The following BPIFC variants were observed in gnomAD, a reference collection of about 807,000 sequenced individuals.
The protein encoded by BPIFC is BPI fold-containing family C protein.
BPIFC carries 60 observed loss-of-function variants against 57.6 expected under a neutral mutation model. That is an observed-to-expected ratio of 1.04 (90% CI 0.85 to 1.29). BPIFC has a LOEUF of 1.29. BPIFC is among the 50% of genes most tolerant of loss of function. BPIFC has a pLI of 0.00. For synonymous variants in BPIFC, 243 were observed against 224.5 expected (o/e 1.08, Z -0.74); for missense variants, 581 against 600.5 (o/e 0.97, Z 0.34).
chr22:32,461,911 C>T (rs993177485), intron 1 of BPIFC, among the ~76,000 whole-genome samples: 23 of 152,152 alleles, frequency 1.5e-4, no homozygotes, highest in African/African-American at 3.9e-4. Context: ...TGGTGGCTCA[C>T]GCCTATAATC....
Position 32,458,510 on chromosome 22 carries a change from T to G in BPIFC, c.1-1124A>C, listed in dbSNP as rs184608589. Reference sequence around the variant, plus strand: ...ATCTAGTGTAGTATCCAGTTACTGATGTGTGTATTGTCTATCTCCTCTGCT... The same window carrying G: ...ATCTAGTGTAGTATCCAGTTACTGAGGTGTGTATTGTCTATCTCCTCTGCT... On this transcript the variant is annotated intron_variant, in intron 2 of 16. Transcript: ENST00000300399. 1.2e-3 allele frequency among the ~76,000 whole-genome samples: 179 copies of G among 152,338 alleles called. 1 individual carries two copies. The highest frequency in any genetic ancestry group is 1.8e-3 in the Admixed American group (27 of 15,302).
In BPIFC at chr22:32,413,938, C is replaced by T. The variant is rs564196847; in HGVS notation, c.*365G>A. 3 of 157,598 alleles carry T rather than the reference C, an allele frequency of 1.9e-5. No homozygotes were observed. The highest frequency in any genetic ancestry group is 7.2e-5 in the African/African-American group (3 of 41,660). 9.8% of individuals were successfully genotyped at this position (157,598 alleles called of 1,614,324 possible). On this transcript the variant is annotated 3_prime_UTR_variant, in exon 17 of 17. Coordinates refer to ENST00000300399, the MANE Select transcript of BPIFC (RefSeq NM_174932.3). Reference sequence around the variant, plus strand: ...CCAATATGCAGGTAGGGGAAAACCACTAGAGGGCCTAAGGGATTTCCACTG... The same window carrying T: ...CCAATATGCAGGTAGGGGAAAACCATTAGAGGGCCTAAGGGATTTCCACTG...
chr22:32,447,381 C>T, intron 4 of BPIFC, 41 bp from the exon 5 acceptor site: 1 of 1,590,242 alleles, frequency 6.3e-7, no homozygotes, highest in Non-Finnish European at 8.6e-7. Flanking sequence ...ACTCTTCCAG[C>T]ACATCTCTTC....
At chr22:32,436,331 G>T (rs1480812774) in intron 9 of BPIFC, among the ~76,000 whole-genome samples, 1 of 142,478 alleles carries the variant, frequency 7.0e-6, no homozygotes, top group Non-Finnish European at 1.5e-5. Context: ...AGAAGAAGAA[G>T]AAGAAAGAAG....
intron 12 of BPIFC, 28 bp from the exon 13 acceptor site, chr22:32,431,442 A>ATTTATTTATTTTTTATTTTTTTTTTTTTG: frequency 1.6e-6 from 2 of 1,217,748 alleles, no homozygotes; most frequent in Non-Finnish European, 2.4e-6. Flanking sequence ...ATTTATTATT[A>ATTTATTTATTTTTTATTTTTTTTTTTTTG]AGACGAGTGA....
Position 32,457,317 on chromosome 22 carries a change from G to A in BPIFC, c.70C>T (p.Gln24Ter). 2 of 1,610,638 alleles carry A rather than the reference G, an allele frequency of 1.2e-6. No individual in the cohort carries two copies. The highest frequency in any genetic ancestry group is 1.7e-6 in the Non-Finnish European group (2 of 1,179,112). ...GCCTTGATTCCAGGGTAAATGGTCT[G>A]AGAGGATGAGACATAGAGATTCCAC... ...LLWNLYVSSS[Q>*]TIYPGIKARI... The change falls in exon 3 of 17, where the codon CAG becomes TAG. Residue 24 changes from glutamine (Q) to a stop codon, truncating the protein, a stop_gained. Transcript: ENST00000300399. LOFTEE classifies it high-confidence loss of function.
At chr22:32,433,803 A>G (rs1362056661) in intron 10 of BPIFC, 31 bp from the exon 11 acceptor site, 2 of 1,588,260 alleles carry the variant, frequency 1.3e-6, no homozygotes, top group Admixed American at 3.3e-5. Context: ...TGTCACTGTT[A>G]GGATTTTACG....
Position 32,445,833 on chromosome 22 carries a change from T to G in BPIFC, c.530+8A>C, listed in dbSNP as rs1461691122. On this transcript the variant is annotated splice_region_variant and intron_variant, in intron 6 of 16. Transcript: ENST00000300399. ...CTAGCCACTGCCCAACCCAGGGCTC[T>G]CATTCACCTGAGTTCTCCGGAAAAT... 7 of 1,611,532 alleles carry G rather than the reference T, an allele frequency of 4.3e-6. No individual in the cohort carries two copies. Among genetic ancestry groups the G allele is most frequent in the Non-Finnish European group, 5.9e-6 (7 of 1,178,776 alleles).
chr22:32,443,280 C>T (rs1366303019), intron 7 of BPIFC, among the ~76,000 whole-genome samples: 1 of 151,980 alleles, frequency 6.6e-6, no homozygotes, highest in Non-Finnish European at 1.5e-5. Context: ...TCTCCTGCCT[C>T]AGCCTCCTGC....
intron 5 of BPIFC, chr22:32,446,727 G>T: frequency 3.0e-6 from 3 of 985,034 alleles, no homozygotes; most frequent in Non-Finnish European, 3.6e-6. Context: ...GCCTGTAAAA[G>T]TACCTTGAAT....
chr22:32,433,054 T>G (rs992620771), intron 11 of BPIFC, among the ~76,000 whole-genome samples: 6 of 152,018 alleles, frequency 3.9e-5, no homozygotes, highest in African/African-American at 1.4e-4. Context: ...AATAGAAAAA[T>G]TAGCTGGGCA....
intron 13 of BPIFC, among the ~76,000 whole-genome samples, chr22:32,429,453 G>T (rs1478531543): frequency 6.8e-6 from 1 of 147,938 alleles, no homozygotes; most frequent in Admixed American, 6.9e-5. Flanking sequence ...TGATCCGCTC[G>T]CCTCAGCCTC....
At chr22:32,452,669 C>T (rs1319643409) in intron 4 of BPIFC, among the ~76,000 whole-genome samples, 1 of 151,846 alleles carries the variant, frequency 6.6e-6, no homozygotes, top group East Asian at 1.9e-4. Flanking sequence ...AACAAAAAAC[C>T]TCTTGGTTTT....
chr22:32,442,029 A>G (rs1286796979), intron 8 of BPIFC, among the ~76,000 whole-genome samples: 2 of 152,178 alleles, frequency 1.3e-5, no homozygotes, highest in Non-Finnish European at 2.9e-5. Context: ...TCGCCTGCCC[A>G]CTGTTCACCT....
intron 1 of BPIFC, among the ~76,000 whole-genome samples, chr22:32,462,202 AAAAAG>A (rs1935181311): frequency 6.6e-6 from 1 of 150,874 alleles, no homozygotes; most frequent in South Asian, 2.1e-4. Flanking sequence ...AAAAAAGAAA[AAAAAG>A]AAAAAAAAAA....
intron 13 of BPIFC, among the ~76,000 whole-genome samples, chr22:32,423,124 G>C (rs935215637): frequency 6.6e-6 from 1 of 152,160 alleles, no homozygotes. Context: ...AAGGTTGGCC[G>C]GCTTGAGAAG....
intron 8 of BPIFC, among the ~76,000 whole-genome samples, chr22:32,440,494 G>T (rs1432218417): frequency 6.6e-6 from 1 of 152,118 alleles, no homozygotes. Flanking sequence ...GCACAGCGGT[G>T]AGTCAAAGTT....
At chr22:32,439,332 A>AAAAAAT (rs1934500283) in intron 8 of BPIFC, among the ~76,000 whole-genome samples, 1 of 152,248 alleles carries the variant, frequency 6.6e-6, no homozygotes, top group African/African-American at 2.4e-5. Context: ...TCTAAAAAAA[A>AAAAAAT]AAAAATAAAT....
intron 11 of BPIFC, 133 bp downstream of exon 11, chr22:32,433,586 G>T: frequency 1.4e-6 from 1 of 718,436 alleles, no homozygotes; most frequent in Non-Finnish European, 2.4e-6. Context: ...GTAGATATTC[G>T]ATTACGAGAA....
Sources: allele counts gnomAD v4.1 joint callset (sites outside exome capture counted in the v4.1 genomes callset), GRCh38; gene constraint gnomAD v4.1.1; transcripts MANE v1.5; gene names NCBI Gene and HGNC (gene_info 2026-07-23, HGNC 2026-07-21).